DPF3: variants seen among roughly 807,000 people sequenced by gnomAD.
DPF3 encodes zinc finger protein DPF3.
Under a neutral mutation model 56.8 loss-of-function variants are expected in DPF3, and 18 were observed. The ratio of observed to expected loss-of-function variants is 0.32; its 90% confidence interval spans 0.22 to 0.47. The LOEUF (loss-of-function observed/expected upper bound fraction) is 0.47. Ranked by LOEUF, DPF3 falls within the 20% of genes least tolerant of loss-of-function variation. The probability of loss-of-function intolerance (pLI) is 1.00; values close to 1 mark genes in which losing one functional copy is unlikely to be tolerated. For synonymous variants in DPF3, 188 were observed against 180.2 expected, an observed-to-expected ratio of 1.04 and a Z score of -0.35; for missense variants, 403 against 488.8, an observed-to-expected ratio of 0.82 and a Z score of 1.65.
chr14:72,796,757 C>T (rs931863656), intron 1 of DPF3, among the ~76,000 whole-genome samples: 1 of 152,104 alleles, frequency 6.6e-6, no homozygotes, highest in Admixed American at 6.5e-5. Flanking sequence ...TCATCTTCAA[C>T]TCCCAACTCA....
chr14:72,701,080 T>C (rs913285387), intron 6 of DPF3, among the ~76,000 whole-genome samples: 2 of 152,354 alleles, frequency 1.3e-5, no homozygotes, highest in African/African-American at 2.4e-5. Context: ...TCTGGAAATA[T>C]CTGTCGTGCG....
chr14:72,644,349 C>G (rs1315411597), intron 8 of DPF3, among the ~76,000 whole-genome samples: 2 of 152,222 alleles, frequency 1.3e-5, no homozygotes, highest in Non-Finnish European at 2.9e-5. Flanking sequence ...AGATCTGTTT[C>G]CATCGGCCAA....
intron 1 of DPF3, among the ~76,000 whole-genome samples, chr14:72,778,604 C>G (rs564379535): frequency 4.6e-5 from 7 of 152,302 alleles, no homozygotes; most frequent in South Asian, 2.1e-4. Flanking sequence ...ATCCCCTCCC[C>G]GACCCCAGTC....
intron 8 of DPF3, among the ~76,000 whole-genome samples, chr14:72,643,316 C>T (rs1261268923): frequency 6.6e-6 from 1 of 152,206 alleles, no homozygotes; most frequent in East Asian, 1.9e-4. Flanking sequence ...TAAGGGTGAA[C>T]TAGCTGTCCC....
intron 6 of DPF3, among the ~76,000 whole-genome samples, chr14:72,713,095 G>A (rs976019857): frequency 2.6e-5 from 4 of 152,250 alleles, no homozygotes; most frequent in Admixed American, 2.6e-4. Context: ...TGAACGCCAT[G>A]TAGGAAGCAA....
intron 1 of DPF3, among the ~76,000 whole-genome samples, chr14:72,786,370 G>A (rs1892209963): frequency 1.3e-5 from 2 of 152,214 alleles, no homozygotes; most frequent in Non-Finnish European, 2.9e-5. Context: ...TCCTAGTTCA[G>A]GGATTCCTCC....
intron 9 of DPF3, among the ~76,000 whole-genome samples, chr14:72,624,619 G>A (rs1051717719): frequency 1.3e-5 from 2 of 152,148 alleles, no homozygotes; most frequent in Non-Finnish European, 2.9e-5. Flanking sequence ...GATTACAGGC[G>A]TGAGCCACCA....
chr14:72,626,376 G>A (rs56813235), intron 9 of DPF3, among the ~76,000 whole-genome samples: 9,154 of 152,132 alleles, frequency 0.06, 932 homozygotes, highest in African/African-American at 0.21. Context: ...TTACACAAGT[G>A]AGCAAATGCA....
chr14:72,717,113 C>A (rs1888964842), intron 5 of DPF3, among the ~76,000 whole-genome samples: 2 of 152,202 alleles, frequency 1.3e-5, no homozygotes, highest in Non-Finnish European at 2.9e-5. Flanking sequence ...TAGTGCTGAT[C>A]CCCTCGGGTT....
intron 1 of DPF3, among the ~76,000 whole-genome samples, chr14:72,835,155 C>T (rs1884238394): frequency 6.6e-6 from 1 of 152,112 alleles, no homozygotes; most frequent in South Asian, 2.1e-4. Context: ...GCAACCACCG[C>T]CTCCCGGGTT....
intron 1 of DPF3, among the ~76,000 whole-genome samples, chr14:72,891,050 G>A (rs992295495): frequency 1.3e-5 from 2 of 152,152 alleles, no homozygotes; most frequent in Non-Finnish European, 2.9e-5. Flanking sequence ...AGGAGCTTGG[G>A]ACCCTAAGGA....
rs936534402 is a variant in DPF3 at position 72,785,988 on chromosome 14, G to A, written c.33-14095C>T. Among the ~76,000 whole-genome samples the A allele has an allele frequency of 4.6e-5, 7 of 152,214 alleles. No individual in the cohort carries two copies. The South Asian group carries it at 1.4e-3, about 32-fold the overall frequency. ...AAGGAAATCAATAACCAGGCCAGGT[G>A]CAGTGGCTCACGCCTGTAATGCCAA... On this transcript the variant is annotated intron_variant, in intron 1 of 10. Coordinates refer to ENST00000556509, the MANE Select transcript of DPF3 (RefSeq NM_001280542.3).
chr14:72,754,736 T>C (rs1350345911), intron 2 of DPF3, among the ~76,000 whole-genome samples: 5 of 152,252 alleles, frequency 3.3e-5, no homozygotes, highest in African/African-American at 2.4e-5. Context: ...TTCATTGCTA[T>C]ATACTCATTC....
At chr14:72,846,503 T>A (rs995495275) in intron 1 of DPF3, among the ~76,000 whole-genome samples, 4 of 151,532 alleles carry the variant, frequency 2.6e-5, no homozygotes, top group African/African-American at 9.7e-5. Flanking sequence ...GCCCGGCTAA[T>A]TTTTTTGTAT....
chr14:72,740,664 C>A (rs757890687), intron 3 of DPF3, among the ~76,000 whole-genome samples: 1 of 152,208 alleles, frequency 6.6e-6, no homozygotes, highest in Non-Finnish European at 1.5e-5. Flanking sequence ...AGAAAGTGGA[C>A]CAGCCCAGGC....
Position 72,752,948 on chromosome 14 carries a change from C to G in DPF3, c.301+316G>C, listed in dbSNP as rs893539810. Among the ~76,000 whole-genome samples, 14 of 152,178 alleles carry G rather than the reference C, an allele frequency of 9.2e-5. 1 individual carries two copies. In the South Asian group the frequency reaches 1.2e-3, roughly 14 times the overall value. On this transcript the variant is annotated intron_variant, in intron 3 of 10. Coordinates refer to ENST00000556509, the MANE Select transcript of DPF3 (RefSeq NM_001280542.3). ...GCCACAAGAAAAGTATCACATGACC[C>G]GAAAGAGCTGCACATCCTTCAGTTC...
At chr14:72,806,688 C>T (rs1599458863) in intron 1 of DPF3, 2 of 152,158 alleles carry the variant, frequency 1.3e-5, no homozygotes, top group South Asian at 4.1e-4. Context: ...ACCAAGTGCT[C>T]CTGGAATTCG....
At chr14:72,681,542 A>G (rs1469246447) in intron 7 of DPF3, among the ~76,000 whole-genome samples, 1 of 152,196 alleles carries the variant, frequency 6.6e-6, no homozygotes, top group Non-Finnish European at 1.5e-5. Context: ...CTGTAGAAAT[A>G]ATATAAATAT....
rs935473039 is a variant in DPF3 at position 72,840,096 on chromosome 14, C to T, written c.32+53961G>A. On this transcript the variant is annotated intron_variant, in intron 1 of 10. Transcript: ENST00000556509. ...TACGAATGCCAGCACACAGTACATACGCACAGCAGAGACAGGAGCTAGAAT... is the reference window on the plus strand; with the variant it reads ...TACGAATGCCAGCACACAGTACATATGCACAGCAGAGACAGGAGCTAGAAT... Among the ~76,000 whole-genome samples, 32 of 152,328 alleles carry T rather than the reference C, an allele frequency of 2.1e-4. 1 individual carries two copies. Among genetic ancestry groups the T allele is most frequent in the African/African-American group, 7.0e-4 (29 of 41,582 alleles).
Sources: gnomAD v4.1 joint callset for allele counts (sites outside exome capture counted in the v4.1 genomes callset) on GRCh38, gnomAD v4.1.1 for gene constraint, MANE v1.5 for transcripts, NCBI Gene and HGNC (gene_info 2026-07-23, HGNC 2026-07-21) for gene names.